Variants in ADAM19 observed in about 807,000 individuals in gnomAD.
ADAM19 encodes disintegrin and metalloproteinase domain-containing protein 19.
ADAM19 carries 65 observed loss-of-function variants against 114.7 expected under a neutral mutation model. That is an observed-to-expected ratio of 0.57 (90% confidence interval 0.46 to 0.70). The LOEUF is 0.70. ADAM19 is among the 30% of genes least tolerant of loss of function. The pLI, the probability that ADAM19 is intolerant of heterozygous loss-of-function variation, is 0.00. For missense variants in ADAM19, 1,063 were observed against 1,204.7 expected (o/e 0.88, Z 1.74); for synonymous variants, 466 against 460.5 (o/e 1.01, Z -0.15).
chr5:157,508,393 G>C (rs948038963), intron 9 of ADAM19, among the ~76,000 whole-genome samples: 1 of 152,210 alleles, frequency 6.6e-6, no homozygotes, highest in Non-Finnish European at 1.5e-5. Context: ...CGGATCACTT[G>C]AGGCCAGGAG....
chr5:157,567,930 A>T lies in ADAM19; in HGVS notation c.180+2965T>A, dbSNP rs554641917. On this transcript the variant is annotated intron_variant, in intron 2 of 22. Transcript: ENST00000257527. ...AATGAATACTGCCCCAAATCAAAGC[A>T]CTATCTTCCCCTCCCCCAAAGAGAC... 3 of 152,158 alleles carry T rather than the reference A, an allele frequency of 2.0e-5. No homozygotes were observed. The East Asian group carries it at 5.8e-4, about 29-fold the overall frequency. The allele number at this position is 152,158 out of a possible 1,614,324, so 9.4% of individuals were successfully genotyped here.
chr5:157,496,242 T>C (rs1419758486), intron 14 of ADAM19, among the ~76,000 whole-genome samples: 1 of 152,262 alleles, frequency 6.6e-6, no homozygotes, highest in Non-Finnish European at 1.5e-5. Context: ...GGCTGCCTCC[T>C]TATTTAGCCA....
At chr5:157,550,797 A>T (rs1757173511) in intron 3 of ADAM19, among the ~76,000 whole-genome samples, 1 of 152,206 alleles carries the variant, frequency 6.6e-6, no homozygotes, top group African/African-American at 2.4e-5. Flanking sequence ...GGGCAGTGAG[A>T]TATAAACTTG....
chr5:157,477,823 T>C lies in ADAM19; in HGVS notation c.*3126A>G. The C allele has an allele frequency of 1.1e-6, 1 of 919,268 alleles. No homozygotes were observed. Among genetic ancestry groups the C allele is most frequent in the Non-Finnish European group, 1.5e-6 (1 of 653,352 alleles). 56.9% of individuals were successfully genotyped at this position (919,268 alleles called of 1,614,324 possible). ...CGTATTGCAGGAGGTGGGGAGGGGC[T>C]ATTGCTTCAGGGGGAAGGGACTATG... On this transcript the variant is annotated 3_prime_UTR_variant, in exon 23 of 23. Coordinates refer to ENST00000257527, the MANE Select transcript of ADAM19 (RefSeq NM_033274.5).
intron 20 of ADAM19, among the ~76,000 whole-genome samples, 197 bp downstream of exon 20, chr5:157,488,905 C>T (rs1316750650): frequency 6.6e-6 from 1 of 152,168 alleles, no homozygotes; most frequent in Non-Finnish European, 1.5e-5. Context: ...TGGTGGGCAC[C>T]TGTAGTCCCA....
At chr5:157,551,723 G>GA (rs767844428) in intron 3 of ADAM19, among the ~76,000 whole-genome samples, 3,681 of 144,354 alleles carry the variant, frequency 0.025, 110 homozygotes, top group African/African-American at 0.072. Context: ...AACTCTATAA[G>GA]AAAAAAAAAA....
intron 13 of ADAM19, 75 bp from the exon 14 acceptor site, chr5:157,497,164 G>A (rs1267387473): frequency 2.3e-6 from 3 of 1,308,706 alleles, no homozygotes; most frequent in African/African-American, 1.5e-5. Flanking sequence ...GGGCTCATAA[G>A]GATCACTCTC....
At chr5:157,483,385 T>C (rs1754823966) in intron 21 of ADAM19, among the ~76,000 whole-genome samples, 1 of 152,014 alleles carries the variant, frequency 6.6e-6, no homozygotes, top group Non-Finnish European at 1.5e-5. Flanking sequence ...GAAAAATAAC[T>C]AAAATTATAA....
intron 4 of ADAM19, among the ~76,000 whole-genome samples, chr5:157,534,644 C>T (rs548719590): frequency 4.9e-4 from 75 of 152,250 alleles, no homozygotes; most frequent in Non-Finnish European, 8.5e-4. Context: ...GGGGACAGAG[C>T]GAGGCCCTAT....
intron 11 of ADAM19, among the ~76,000 whole-genome samples, chr5:157,505,118 CAAAA>C (rs775250955): frequency 1.2e-5 from 1 of 86,856 alleles, no homozygotes. Context: ...GACTCTGTCT[CAAAA>C]AAAAAAAAAA....
intron 3 of ADAM19, among the ~76,000 whole-genome samples, chr5:157,559,665 G>A (rs1271462766): frequency 1.3e-5 from 2 of 152,186 alleles, no homozygotes; most frequent in African/African-American, 4.8e-5. Context: ...TCCTGGGTTG[G>A]TGAGGTAGTC....
Position 157,480,202 on chromosome 5 carries a change from TA to T in ADAM19, c.*746del, listed in dbSNP as rs1435196163. The stretch of plus-strand genomic sequence containing the variant: ...TGCGGCAGAGAAAACAAAGAGCAAC[TA>T]AAAATTATCCAGAGTCAGGAGTCGC... On this transcript the variant is annotated 3_prime_UTR_variant, in exon 23 of 23. Coordinates refer to ENST00000257527, the MANE Select transcript of ADAM19 (RefSeq NM_033274.5). 1 of 985,950 alleles carries T rather than the reference TA, an allele frequency of 1.0e-6. No individual in the cohort carries two copies. The highest frequency in any genetic ancestry group is 6.1e-5 in the Admixed American group (1 of 16,266). 61.1% of individuals were successfully genotyped at this position (985,950 alleles called of 1,614,324 possible).
intron 2 of ADAM19, chr5:157,566,441 A>C (rs1159326381): frequency 6.6e-6 from 1 of 152,196 alleles, no homozygotes; most frequent in Non-Finnish European, 1.5e-5. Flanking sequence ...CATGTTTACA[A>C]TTGCTTTCAC....
At chr5:157,487,774 T>C (rs961250469) in intron 21 of ADAM19, among the ~76,000 whole-genome samples, 1 of 152,092 alleles carries the variant, frequency 6.6e-6, no homozygotes, top group East Asian at 1.9e-4. Context: ...AAGGTACCAA[T>C]AGGTACAATT....
At chr5:157,575,002 G>T (rs1204557269) in intron 1 of ADAM19, among the ~76,000 whole-genome samples, 1 of 152,194 alleles carries the variant, frequency 6.6e-6, no homozygotes, top group Non-Finnish European at 1.5e-5. Context: ...AAATGGGTGC[G>T]TTTGACTTGG....
At chr5:157,481,635 C>A in intron 22 of ADAM19, 156 bp downstream of exon 22, 10 of 1,550,486 alleles carry the variant, frequency 6.4e-6, no homozygotes, top group Non-Finnish European at 8.7e-6. Flanking sequence ...GTCAAGCGGG[C>A]ACCAAGAAAC....
rs549433871 is a variant in ADAM19 at position 157,512,133 on chromosome 5, T to G, written c.738+1301A>C. Among the ~76,000 whole-genome samples the G allele has an allele frequency of 3.3e-5, 5 of 152,260 alleles. No homozygotes were observed. The East Asian group carries it at 7.7e-4, about 24-fold the overall frequency. On this transcript the variant is annotated intron_variant, in intron 8 of 22. Coordinates refer to ENST00000257527, the MANE Select transcript of ADAM19 (RefSeq NM_033274.5). ...TATTTAAATGTTATTCTTGAGTGAG[T>G]CAGGAGCTAGAGGGAGGACTGGACT...
chr5:157,540,966 C>A (rs772411028), intron 3 of ADAM19, among the ~76,000 whole-genome samples: 1 of 152,194 alleles, frequency 6.6e-6, no homozygotes, highest in East Asian at 1.9e-4. Context: ...GTTAAAAATG[C>A]AAATTGCCAG....
At chr5:157,485,464 C>A (rs1245298690) in intron 21 of ADAM19, among the ~76,000 whole-genome samples, 2 of 152,230 alleles carry the variant, frequency 1.3e-5, no homozygotes, top group Non-Finnish European at 2.9e-5. Context: ...ACACCTCTCT[C>A]CTGCCTAAAG....
Sources: allele counts gnomAD v4.1 joint callset (sites outside exome capture counted in the v4.1 genomes callset), GRCh38; gene constraint gnomAD v4.1.1; transcripts MANE v1.5; gene names NCBI Gene and HGNC (gene_info 2026-07-23, HGNC 2026-07-21).